The following SLC14A2 variants were observed in gnomAD, a reference collection of about 807,000 sequenced individuals.
The protein encoded by SLC14A2 is solute carrier family 14 member 2.
Under a neutral mutation model 104.6 loss-of-function variants are expected in SLC14A2, and 91 were observed. The ratio of observed to expected loss-of-function variants is 0.87; its 90% confidence interval spans 0.73 to 1.04. SLC14A2 has a LOEUF of 1.04. Ranked by LOEUF, SLC14A2 falls within the 50% of genes least tolerant of loss-of-function variation. The pLI is 0.00. For missense variants in SLC14A2, 1,189 were observed against 1,156.0 expected (o/e 1.03, Z -0.41); for synonymous variants, 476 against 466.4 (o/e 1.02, Z -0.27).
intron 4 of SLC14A2, among the ~76,000 whole-genome samples, chr18:45,627,972 CA>C (rs1271178886): frequency 7.3e-6 from 1 of 137,566 alleles, no homozygotes; most frequent in Non-Finnish European, 1.5e-5. Context: ...CACTGCACTC[CA>C]GCCAGGGTGA....
At chr18:45,611,652 G>T (rs2044973346), upstream of SLC14A2, among the ~76,000 whole-genome samples, 1 of 152,218 alleles carries the variant, frequency 6.6e-6, no homozygotes, top group Non-Finnish European at 1.5e-5. Flanking sequence ...ACAGTCATTG[G>T]ATGAGGGAGA....
At chr18:45,644,565 G>A (rs762286863) in intron 10 of SLC14A2, among the ~76,000 whole-genome samples, 1 of 152,126 alleles carries the variant, frequency 6.6e-6, no homozygotes, top group Non-Finnish European at 1.5e-5. Context: ...CAGAGTAGGG[G>A]GGTAAGTCAG....
chr18:45,310,961 T>G (rs539528122), intron 1 of SLC14A2, among the ~76,000 whole-genome samples: 10 of 152,138 alleles, frequency 6.6e-5, no homozygotes, highest in Non-Finnish European at 1.2e-4. Flanking sequence ...CCTGGGACAA[T>G]GGCTACTAAT....
chr18:45,439,323 T>G (rs1431324694), intron 1 of SLC14A2, among the ~76,000 whole-genome samples: 3 of 152,164 alleles, frequency 2.0e-5, no homozygotes, highest in African/African-American at 7.2e-5. Flanking sequence ...CTTGTCAGAT[T>G]TCACCATGTT....
In SLC14A2 at chr18:45,323,473, G is replaced by C. The variant is rs535819322; in HGVS notation, c.-125+110282G>C. Among the ~76,000 whole-genome samples the C allele has an allele frequency of 1.2e-3, 188 of 152,276 alleles. 1 individual carries two copies. Among genetic ancestry groups the C allele is most frequent in the Middle Eastern group, 3.4e-3 (1 of 294 alleles). Reference sequence around the variant, plus strand: ...ACAAAGGGAAGACGAAAGAGAAATGGAGGTTTAAGAAGTATAAATTCCTAA... The same window carrying C: ...ACAAAGGGAAGACGAAAGAGAAATGCAGGTTTAAGAAGTATAAATTCCTAA... On this transcript the variant is annotated intron_variant, in intron 1 of 20. Transcript: ENST00000586448.
chr18:45,193,772 G>T, the SLC14A2 span, among the ~76,000 whole-genome samples: 3 of 151,440 alleles, frequency 2.0e-5, no homozygotes, highest in Non-Finnish European at 4.4e-5. Flanking sequence ...ATTTTGATTA[G>T]AATTATATTG....
At chr18:45,504,861 T>C (rs2043257030) in intron 2 of SLC14A2, among the ~76,000 whole-genome samples, 1 of 152,244 alleles carries the variant, frequency 6.6e-6, no homozygotes, top group Non-Finnish European at 1.5e-5. Flanking sequence ...ATGTGGATTT[T>C]ATTATAATAG....
At chr18:45,647,840 T>C (rs2045649017) in intron 10 of SLC14A2, 1 of 152,148 alleles carries the variant, frequency 6.6e-6, no homozygotes, top group Non-Finnish European at 1.5e-5. Flanking sequence ...AAACATGGCC[T>C]GTAAAAATCT....
At chr18:45,322,735 A>G (rs1004381095) in intron 1 of SLC14A2, among the ~76,000 whole-genome samples, 3 of 152,178 alleles carry the variant, frequency 2.0e-5, no homozygotes, top group Non-Finnish European at 4.4e-5. Flanking sequence ...CCCTTCATCA[A>G]GACTACTTCT....
intron 2 of SLC14A2, among the ~76,000 whole-genome samples, chr18:45,508,213 G>T (rs1415263552): frequency 6.6e-6 from 1 of 152,192 alleles, no homozygotes; most frequent in Admixed American, 6.5e-5. Context: ...TTGGGTTCTT[G>T]CTGTGACTCT....
intron 1 of SLC14A2, among the ~76,000 whole-genome samples, chr18:45,470,126 C>T (rs898066929): frequency 7.2e-5 from 11 of 152,102 alleles, no homozygotes; most frequent in African/African-American, 2.4e-4. Flanking sequence ...TTAATAAAAG[C>T]TGTTGCTATG....
chr18:45,442,258 C>T (rs1387788751), intron 1 of SLC14A2, among the ~76,000 whole-genome samples: 4 of 152,196 alleles, frequency 2.6e-5, no homozygotes, highest in Admixed American at 2.0e-4. Flanking sequence ...AGTATGCTAG[C>T]ACTGCCATCA....
intron 1 of SLC14A2, among the ~76,000 whole-genome samples, chr18:45,426,957 T>G (rs1465934154): frequency 6.6e-6 from 1 of 152,068 alleles, no homozygotes; most frequent in Non-Finnish European, 1.5e-5. Flanking sequence ...TGCCACCACC[T>G]CCTTTCACCT....
intron 1 of SLC14A2, among the ~76,000 whole-genome samples, chr18:45,466,805 C>T (rs951620851): frequency 6.6e-6 from 1 of 151,972 alleles, no homozygotes; most frequent in Non-Finnish European, 1.5e-5. Context: ...CTGTATACCC[C>T]TGTGAATGAA....
intron 1 of SLC14A2, among the ~76,000 whole-genome samples, chr18:45,461,878 G>A (rs192996560): frequency 1.3e-5 from 2 of 152,288 alleles, no homozygotes; most frequent in Admixed American, 1.3e-4. Flanking sequence ...ATGCTAGATT[G>A]TTTTCCTCCC....
At chr18:45,574,164 AC>A (rs987267801) in intron 2 of SLC14A2, among the ~76,000 whole-genome samples, 2 of 152,084 alleles carry the variant, frequency 1.3e-5, no homozygotes, top group Non-Finnish European at 2.9e-5. Context: ...ACAGGAAGGA[AC>A]CTGCTTGCCT....
Position 45,581,734 on chromosome 18 carries a change from T to A in SLC14A2, c.-34-42897T>A, listed in dbSNP as rs547333226. Among the ~76,000 whole-genome samples the A allele has an allele frequency of 5.3e-5, 8 of 152,300 alleles. No individual in the cohort carries two copies. In the East Asian group the frequency reaches 1.5e-3, roughly 29 times the overall value. Reference sequence around the variant, plus strand: ...AATGTTAGCTGTGTTGTTGTTGATATTGCTGTATTGTTATCCAGCGGACTC... The same window carrying A: ...AATGTTAGCTGTGTTGTTGTTGATAATGCTGTATTGTTATCCAGCGGACTC... On this transcript the variant is annotated intron_variant, in intron 2 of 20. Coordinates refer to the SLC14A2 transcript ENST00000586448.
At chr18:45,272,612 G>A (rs1294640716) in intron 1 of SLC14A2, among the ~76,000 whole-genome samples, 1 of 152,012 alleles carries the variant, frequency 6.6e-6, no homozygotes, top group Non-Finnish European at 1.5e-5. Flanking sequence ...GCTGGGAAGG[G>A]TAATGGGAGG....
intron 2 of SLC14A2, among the ~76,000 whole-genome samples, chr18:45,496,871 C>T (rs1404888718): frequency 3.3e-5 from 5 of 152,200 alleles, no homozygotes; most frequent in East Asian, 1.9e-4. Flanking sequence ...CTGCTCCTTC[C>T]ACCCTTGGAC....
Sources: gnomAD v4.1 joint callset for allele counts (sites outside exome capture counted in the v4.1 genomes callset) on GRCh38, gnomAD v4.1.1 for gene constraint, MANE v1.5 for transcripts, NCBI Gene and HGNC (gene_info 2026-07-23, HGNC 2026-07-21) for gene names.